LAMA3: variants seen among roughly 807,000 people sequenced by gnomAD.
The protein encoded by LAMA3 is laminin subunit alpha 3, also known as laminin subunit alpha-3.
Under a neutral mutation model 402.0 loss-of-function variants are expected in LAMA3, and 281 were observed. The observed-to-expected ratio is 0.70, with a 90% confidence interval of 0.63 to 0.77. The LOEUF (loss-of-function observed/expected upper bound fraction) is 0.77. Ranked by LOEUF, LAMA3 falls within the 30% of genes least tolerant of loss-of-function variation. The probability of loss-of-function intolerance (pLI) is 0.00; values close to 1 mark genes in which losing one functional copy is unlikely to be tolerated. For synonymous variants in LAMA3, 1,431 were observed against 1,558.4 expected (o/e 0.92, Z 1.93); for missense variants, 3,840 against 4,215.5 (o/e 0.91, Z 2.47).
At chr18:23,896,062 A>G (rs1238599126) in intron 44 of LAMA3, among the ~76,000 whole-genome samples, 1 of 152,204 alleles carries the variant, frequency 6.6e-6, no homozygotes, top group Admixed American at 6.5e-5. Context: ...TTGACCAGGC[A>G]TGGTGGCTCA....
intron 24 of LAMA3, 110 bp downstream of exon 24, chr18:23,834,098 T>C (rs2063537829): frequency 3.1e-6 from 4 of 1,294,166 alleles, no homozygotes; most frequent in Non-Finnish European, 4.5e-6. Flanking sequence ...TTGAGGCAGC[T>C]CTTGAAAACA....
chr18:23,810,525 T>C (rs754132600), intron 13 of LAMA3, 22 bp downstream of exon 13: 1 of 1,613,680 alleles, frequency 6.2e-7, no homozygotes, highest in Non-Finnish European at 8.5e-7. Flanking sequence ...AGCAGATTGC[T>C]AGAGGGCTGG....
chr18:23,834,329 A>G (rs2063542734), intron 24 of LAMA3: 1 of 347,372 alleles, frequency 2.9e-6, no homozygotes, highest in African/African-American at 2.1e-5. Context: ...GGCTGTGTCA[A>G]GTACCTGGGT....
intron 11 of LAMA3, among the ~76,000 whole-genome samples, chr18:23,782,385 G>A (rs1403884194): frequency 6.6e-6 from 1 of 151,980 alleles, no homozygotes; most frequent in Non-Finnish European, 1.5e-5. Context: ...GTGAAACCTT[G>A]TCTCTACTAA....
At chr18:23,888,937 T>TAAA (rs1568302545) in intron 41 of LAMA3, among the ~76,000 whole-genome samples, 61 of 83,682 alleles carry the variant, frequency 7.3e-4, no homozygotes, top group African/African-American at 2.2e-3. Flanking sequence ...TTATTTGACT[T>TAAA]TAAAAAAAAA....
intron 2 of LAMA3, among the ~76,000 whole-genome samples, chr18:23,722,091 G>T (rs954809663): frequency 6.6e-6 from 1 of 152,152 alleles, no homozygotes; most frequent in Non-Finnish European, 1.5e-5. Context: ...ATCTTAAAAG[G>T]CACTTTCTCC....
chr18:23,862,846 A>T (rs1598946199), intron 35 of LAMA3, among the ~76,000 whole-genome samples: 1 of 152,120 alleles, frequency 6.6e-6, no homozygotes, highest in East Asian at 1.9e-4. Context: ...AAGCTCACCC[A>T]CATGGCTGTT....
chr18:23,703,374 A>C (rs761356533), intron 1 of LAMA3, among the ~76,000 whole-genome samples: 1 of 152,248 alleles, frequency 6.6e-6, no homozygotes, highest in African/African-American at 2.4e-5. Context: ...GGGAGTCTAC[A>C]TAATTCAACT....
rs748969259 is a variant in LAMA3, at chr18:23,932,176, G to A, written c.8593G>A (p.Asp2865Asn). The A allele has an allele frequency of 1.1e-5, 17 of 1,613,906 alleles. No homozygotes were observed. Among genetic ancestry groups the A allele is most frequent in the East Asian group, 4.5e-5 (2 of 44,886 alleles). Residue 2865 changes from aspartate (D) to asparagine (N), a missense_variant, in exon 66 of 75, where the codon GAT (aspartate) becomes AAT (asparagine). Asp to Asn is a conservative substitution (Grantham distance 23). Transcript: ENST00000313654. ...SDNSGLRLLI[D>N]DQLLRNSKRL... ...CCCTTTCAGACTACGGCTTCTCATCGATGACCAGCTTCTGAGAAATAGCAA... is the reference window on the plus strand; with the variant it reads ...CCCTTTCAGACTACGGCTTCTCATCAATGACCAGCTTCTGAGAAATAGCAA...
At chr18:23,745,094 T>C (rs1451414346) in intron 2 of LAMA3, among the ~76,000 whole-genome samples, 1 of 152,206 alleles carries the variant, frequency 6.6e-6, no homozygotes. Context: ...GAAATATCCA[T>C]GTTCTTGGAA....
At chr18:23,897,909 A>C (rs904259225) in intron 44 of LAMA3, among the ~76,000 whole-genome samples, 1 of 152,208 alleles carries the variant, frequency 6.6e-6, no homozygotes, top group African/African-American at 2.4e-5. Context: ...CCAATTTACT[A>C]ATGGAAGAGC....
At chr18:23,710,091 T>C (rs2060962292) in intron 1 of LAMA3, 4 of 733,728 alleles carry the variant, frequency 5.5e-6, no homozygotes, top group South Asian at 2.7e-5. Context: ...CTTGTTCTCC[T>C]GGGGGCGCTC....
At chr18:23,872,708 C>T (rs564564590) in intron 38 of LAMA3, 7 of 343,544 alleles carry the variant, frequency 2.0e-5, no homozygotes, top group Non-Finnish European at 2.8e-5. Flanking sequence ...ATTGATAGCC[C>T]GAGGGAAAGA....
intron 63 of LAMA3, 78 bp from the exon 64 acceptor site, chr18:23,928,547 G>C: frequency 7.3e-7 from 1 of 1,361,476 alleles, no homozygotes; most frequent in Admixed American, 1.7e-5. Flanking sequence ...TTTGAGTAAA[G>C]TGAGATAGGG....
chr18:23,860,002 C>T (rs1036413489), intron 34 of LAMA3, among the ~76,000 whole-genome samples: 6 of 152,140 alleles, frequency 3.9e-5, no homozygotes, highest in Non-Finnish European at 8.8e-5. Flanking sequence ...GTCTTAGAAG[C>T]TCTGGCCTCA....
chr18:23,945,192 C>A (rs2082667027), intron 69 of LAMA3, among the ~76,000 whole-genome samples: 1 of 152,184 alleles, frequency 6.6e-6, no homozygotes, highest in African/African-American at 2.4e-5. Flanking sequence ...TTATTTAATT[C>A]TTTAGCTGAA....
intron 62 of LAMA3, among the ~76,000 whole-genome samples, chr18:23,927,862 C>A (rs966239366): frequency 2.6e-5 from 4 of 151,876 alleles, no homozygotes; most frequent in Non-Finnish European, 5.9e-5. Context: ...TGTCTCTTTA[C>A]CTTTTGCGGC....
chr18:23,713,946 T>G lies in LAMA3; in HGVS notation c.321T>G (p.Ser107=). ...IQGQFCDYCN[S]EDPRKAHPVT... ...GCCAGTTCTGTGACTATTGCAATTC[T>G]GAAGACCCCAGGAAAGCACATCCTG... The change falls in exon 2 of 75, where the codon TCT becomes TCG. Residue 107 remains serine, a synonymous_variant. Coordinates refer to ENST00000313654, the MANE Select transcript of LAMA3 (RefSeq NM_198129.4). The G allele has an allele frequency of 6.2e-7, 1 of 1,614,004 alleles. No homozygotes were observed.
intron 18 of LAMA3, among the ~76,000 whole-genome samples, 187 bp downstream of exon 18, chr18:23,816,674 C>A (rs1184010275): frequency 6.6e-6 from 1 of 152,090 alleles, no homozygotes; most frequent in Admixed American, 6.5e-5. Flanking sequence ...ATTACTTTGC[C>A]CATAAAGCCT....
Sources: gnomAD v4.1 joint callset for allele counts (sites outside exome capture counted in the v4.1 genomes callset) on GRCh38, gnomAD v4.1.1 for gene constraint, MANE v1.5 for transcripts, NCBI Gene and HGNC (gene_info 2026-07-23, HGNC 2026-07-21) for gene names.